GABRG1: variants seen among roughly 807,000 people sequenced by gnomAD.
GABRG1 encodes the protein gamma-aminobutyric acid receptor subunit gamma-1.
Under a neutral mutation model 49.8 loss-of-function variants are expected in GABRG1, and 49 were observed. The ratio of observed to expected loss-of-function variants is 0.98; its 90% CI spans 0.78 to 1.25. The LOEUF (loss-of-function observed/expected upper bound fraction) is 1.25, where lower values mean the gene tolerates loss of function less well. Ranked by LOEUF, GABRG1 falls within the 50% of genes most tolerant of loss-of-function variation. The pLI is 0.00. For missense variants in GABRG1, 552 were observed against 552.3 expected (o/e 1.00, Z 0.01); for synonymous variants, 232 against 185.1 (o/e 1.25, Z -2.06).
Position 46,058,340 on chromosome 4 carries a change from C to CA in GABRG1, c.792dup (p.Asp265Ter), listed in dbSNP as rs772301203. ...AAATATCCCATTCTTCTGCTCAGGT[C>CA]AAAAAAAATTGTCATGATAACATAA... On this transcript the variant is annotated frameshift_variant, in exon 7 of 9. Coordinates refer to ENST00000295452, the MANE Select transcript of GABRG1 (RefSeq NM_173536.4). LOFTEE classifies it high-confidence loss of function. 2.9e-5 allele frequency: 46 copies of CA among 1,604,298 alleles called. No homozygotes were observed. Among genetic ancestry groups the CA allele is most frequent in the African/African-American group, 4.1e-5 (3 of 73,946 alleles).
At chr4:46,095,854 A>C (rs1224253919) in intron 2 of GABRG1, among the ~76,000 whole-genome samples, 1 of 151,794 alleles carries the variant, frequency 6.6e-6, no homozygotes, top group African/African-American at 2.4e-5. Flanking sequence ...CGGGGTTACA[A>C]GTGAAGGTTT....
intron 7 of GABRG1, among the ~76,000 whole-genome samples, chr4:46,055,239 C>T (rs1577634963): frequency 9.0e-5 from 1 of 11,154 alleles, no homozygotes; most frequent in Non-Finnish European, 1.7e-4. Context: ...CTACAATGAA[C>T]TCAAACAAAT....
At chr4:46,058,968 T>C (rs577591009) in intron 5 of GABRG1, among the ~76,000 whole-genome samples, 13 of 152,282 alleles carry the variant, frequency 8.5e-5, no homozygotes, top group Admixed American at 1.3e-4. Context: ...ATTTTTCATA[T>C]GCATTTCTGA....
intron 2 of GABRG1, among the ~76,000 whole-genome samples, chr4:46,089,174 A>C (rs1719891393): frequency 6.6e-6 from 1 of 152,002 alleles, no homozygotes; most frequent in African/African-American, 2.4e-5. Context: ...TGATGAAAGG[A>C]GTTAAGGCAG....
chr4:46,052,598 T>C (rs1247981863), intron 7 of GABRG1, among the ~76,000 whole-genome samples: 4 of 151,930 alleles, frequency 2.6e-5, no homozygotes, highest in African/African-American at 9.7e-5. Context: ...CTATTAATCT[T>C]AGGTCTCCTA....
In GABRG1 at chr4:46,051,473, T is replaced by C. The variant is rs1577632427; in HGVS notation, c.1082A>G (p.Gln361Arg). The C allele has an allele frequency of 3.1e-6, 5 of 1,610,896 alleles. No homozygotes were observed. Among genetic ancestry groups the C allele is most frequent in the African/African-American group, 1.3e-5 (1 of 74,864 alleles). Reference protein sequence around the residue: ...YGTLHYFTSNQKGKTATKDRK... With the variant: ...YGTLHYFTSNRKGKTATKDRK... Reference sequence around the variant, plus strand: ...GTCTTTAGTAGCAGTCTTTCCTTTTTGGTTGCTGGTAAAATAATGCAAGGT... The same window carrying C: ...GTCTTTAGTAGCAGTCTTTCCTTTTCGGTTGCTGGTAAAATAATGCAAGGT... Residue 361 changes from glutamine (Q) to arginine (R), a missense_variant, in exon 8 of 9, where the codon CAA (glutamine) becomes CGA (arginine). By Grantham distance (43) the Gln-to-Arg change is conservative. Transcript: ENST00000295452.
rs750576386 is a variant in GABRG1, at chr4:46,065,579, A to G, written c.327T>C (p.Tyr109=). The G allele has an allele frequency of 1.5e-6, 2 of 1,358,434 alleles. No homozygotes were observed. The highest frequency in any genetic ancestry group is 2.1e-6 in the Non-Finnish European group (2 of 955,146). 84.1% of individuals were successfully genotyped at this position (1,358,434 alleles called of 1,614,324 possible). Residue 109 remains tyrosine (Y), a synonymous_variant, in exon 4 of 9, where the codon TAT becomes TAC. Coordinates refer to ENST00000295452, the MANE Select transcript of GABRG1 (RefSeq NM_173536.4). The part of the protein sequence containing the change: ...IGPVDPINME[Y]TIDIIFAQTW... ...TTTGGGCAAAAATTATATCTATTGTATATTCCTAAAATATAAGAAGAGTAA... is the reference window on the plus strand; with the variant it reads ...TTTGGGCAAAAATTATATCTATTGTGTATTCCTAAAATATAAGAAGAGTAA...
chr4:46,062,325 G>T (rs1173118023), intron 5 of GABRG1, among the ~76,000 whole-genome samples: 4 of 151,740 alleles, frequency 2.6e-5, no homozygotes, highest in African/African-American at 7.3e-5. Context: ...GAATAGTGCC[G>T]CAATAAACAT....
At chr4:46,083,831 C>T (rs1444995050) in intron 3 of GABRG1, among the ~76,000 whole-genome samples, 155 bp downstream of exon 3, 1 of 151,666 alleles carries the variant, frequency 6.6e-6, no homozygotes, top group African/African-American at 2.4e-5. Flanking sequence ...TATAGTTTAG[C>T]TCCAGTTGCC....
In GABRG1 at chr4:46,037,449, C is replaced by T; in HGVS notation, c.*3539G>A. The T allele has an allele frequency of 6.6e-6, 1 of 151,678 alleles. No individual in the cohort carries two copies. Among genetic ancestry groups the T allele is most frequent in the East Asian group, 1.9e-4 (1 of 5,136 alleles). 9.4% of individuals were successfully genotyped at this position (151,678 alleles called of 1,614,324 possible). A position where few individuals can be genotyped will look rare whatever the true frequency, so the allele number is the denominator to read the frequency against. ...ACAAAAATGGAAATACCAAGTATGT[C>T]TTGCCATCATACGGTACAGCACTGA... On this transcript the variant is annotated 3_prime_UTR_variant, in exon 9 of 9. Coordinates refer to ENST00000295452, the MANE Select transcript of GABRG1 (RefSeq NM_173536.4).
Position 46,113,581 on chromosome 4 carries a change from G to A in GABRG1, c.104+10229C>T, listed in dbSNP as rs535108854. Among the ~76,000 whole-genome samples, 37 of 151,202 alleles carry A rather than the reference G, an allele frequency of 2.4e-4. No individual in the cohort carries two copies. In the South Asian group the frequency reaches 6.6e-3, roughly 27 times the overall value. On this transcript the variant is annotated intron_variant, in intron 1 of 8. Transcript: ENST00000295452. ...TAAAATCCTATACATAAATGATAAAGGATGAAATAGTATTAACCCATTAAA... is the reference window on the plus strand; with the variant it reads ...TAAAATCCTATACATAAATGATAAAAGATGAAATAGTATTAACCCATTAAA...
chr4:46,096,620 T>A (rs1720171031), intron 2 of GABRG1, among the ~76,000 whole-genome samples: 1 of 151,626 alleles, frequency 6.6e-6, no homozygotes, highest in East Asian at 1.9e-4. Context: ...GAAGACTGTG[T>A]TTTCACATCA....
intron 3 of GABRG1, among the ~76,000 whole-genome samples, chr4:46,077,694 T>A (rs1355877114): frequency 3.3e-5 from 5 of 151,916 alleles, no homozygotes; most frequent in African/African-American, 1.2e-4. Context: ...AGGTTTTATG[T>A]CTTCTGAAGA....
At chr4:46,082,753 T>A (rs949343064) in intron 3 of GABRG1, among the ~76,000 whole-genome samples, 5 of 151,828 alleles carry the variant, frequency 3.3e-5, no homozygotes, top group Non-Finnish European at 7.4e-5. Flanking sequence ...TTTTATAATA[T>A]CATCTTCTCT....
chr4:46,067,371 T>C (rs761530837), intron 3 of GABRG1, among the ~76,000 whole-genome samples: 1 of 152,156 alleles, frequency 6.6e-6, no homozygotes, highest in Non-Finnish European at 1.5e-5. Flanking sequence ...GTATGAGATG[T>C]ATGTTTTATA....
rs561214148 is a variant in GABRG1 at position 46,123,762 on chromosome 4, A to C, written c.104+48T>G. 4.5e-6 allele frequency: 6 copies of C among 1,333,058 alleles called. No individual in the cohort carries two copies. The South Asian group carries it at 7.2e-5, about 16-fold the overall frequency. 82.6% of individuals were successfully genotyped at this position (1,333,058 alleles called of 1,614,324 possible). A position where few individuals can be genotyped will look rare whatever the true frequency, so the allele number is the denominator to read the frequency against. ...TTTTAAAAGAAAGGGGAATAAGGGG[A>C]AAGGGGTAGATAGCAAAGAATAGTT... On this transcript the variant is annotated intron_variant, in intron 1 of 8. Coordinates refer to ENST00000295452, the MANE Select transcript of GABRG1 (RefSeq NM_173536.4).
chr4:46,064,492 G>A lies in GABRG1; in HGVS notation c.574C>T (p.Leu192Phe). The change falls in exon 5 of 9, where the codon CTT becomes TTT. Residue 192 changes from leucine (L) to phenylalanine (F), a missense_variant. Physicochemically the swap from Leu to Phe is conservative, Grantham distance 22. Coordinates refer to ENST00000295452, the MANE Select transcript of GABRG1 (RefSeq NM_173536.4). ...LTINAECYLQLHNFPMDEHSC... is the reference protein window; with the variant it reads ...LTINAECYLQFHNFPMDEHSC... ...TGTTCATCCATGGGAAAGTTATGAA[G>A]CTGAAGATAACATTCTGCATTAATT... is the stretch of plus-strand genomic sequence containing the variant. 1 of 1,540,016 alleles carries A rather than the reference G, an allele frequency of 6.5e-7. No homozygotes were observed. Among genetic ancestry groups the A allele is most frequent in the South Asian group, 1.3e-5 (1 of 77,496 alleles).
Position 46,041,151 on chromosome 4 carries a change from C to A in GABRG1, c.1235G>T (p.Cys412Phe), listed in dbSNP as rs749987948. The change falls in exon 9 of 9, where the codon TGT becomes TTT. Residue 412 changes from cysteine (C) to phenylalanine (F), a missense_variant. Coordinates refer to ENST00000295452, the MANE Select transcript of GABRG1 (RefSeq NM_173536.4). ...YGYQCLEGKD[C>F]ASFFCCFEDC... ...TTCAAAGCAACAGAAGAAGCTGGCACAATCTTTGCCCTCCAAACACTGATA... is the reference window on the plus strand; with the variant it reads ...TTCAAAGCAACAGAAGAAGCTGGCAAAATCTTTGCCCTCCAAACACTGATA... 4 of 1,613,152 alleles carry A rather than the reference C, an allele frequency of 2.5e-6. No individual in the cohort carries two copies. Among genetic ancestry groups the A allele is most frequent in the Admixed American group, 1.7e-5 (1 of 59,852 alleles).
At chr4:46,121,344 G>C (rs1410724459) in intron 1 of GABRG1, among the ~76,000 whole-genome samples, 1 of 151,904 alleles carries the variant, frequency 6.6e-6, no homozygotes. Context: ...ATTTATACAT[G>C]TTAGCATCTG....
Sources: gnomAD v4.1 joint callset for allele counts (sites outside exome capture counted in the v4.1 genomes callset) on GRCh38, gnomAD v4.1.1 for gene constraint, MANE v1.5 for transcripts, NCBI Gene and HGNC (gene_info 2026-07-23, HGNC 2026-07-21) for gene names.